The following PSD3 variants were observed in gnomAD, a reference collection of about 807,000 sequenced individuals.
PSD3 encodes PH and SEC7 domain-containing protein 3.
Under a neutral mutation model 105.5 loss-of-function variants are expected in PSD3, and 49 were observed. The ratio of observed to expected loss-of-function variants is 0.46; its 90% confidence interval spans 0.37 to 0.59. PSD3 has a LOEUF of 0.59. Among genes scored for constraint, PSD3 ranks in the 20% least tolerant of loss-of-function variants. The pLI is 0.00. For synonymous variants in PSD3, 557 were observed against 457.8 expected (o/e 1.22, Z -2.77); for missense variants, 1,561 against 1,263.8 (o/e 1.24, Z -3.57).
At chr8:18,665,170 C>T (rs117106314) in intron 9 of PSD3, among the ~76,000 whole-genome samples, 330 of 152,286 alleles carry the variant, frequency 2.2e-3, no homozygotes, top group Non-Finnish European at 3.5e-3. Flanking sequence ...CCATAGATAG[C>T]GATTCCTCTG....
At chr8:18,804,937 CT>C in intron 4 of PSD3, 39 bp from the exon 5 acceptor site, 1 of 1,487,284 alleles carries the variant, frequency 6.7e-7, no homozygotes, top group Non-Finnish European at 9.1e-7. Flanking sequence ...ATAGATTTTT[CT>C]TATATGGCAA....
intron 10 of PSD3, among the ~76,000 whole-genome samples, chr8:18,646,872 C>T (rs1359561000): frequency 6.6e-6 from 1 of 152,078 alleles, no homozygotes; most frequent in African/African-American, 2.4e-5. Context: ...GGCTTCTTTA[C>T]TCGGAAAAAG....
chr8:18,613,181 G>A (rs532666622), intron 11 of PSD3, among the ~76,000 whole-genome samples: 1 of 152,158 alleles, frequency 6.6e-6, no homozygotes, highest in East Asian at 1.9e-4. Context: ...CCCAACACCT[G>A]ACGAAATGCC....
At chr8:19,005,649 T>A (rs1826640632) in intron 1 of PSD3, among the ~76,000 whole-genome samples, 1 of 151,876 alleles carries the variant, frequency 6.6e-6, no homozygotes, top group Non-Finnish European at 1.5e-5. Context: ...CATGCTCAGC[T>A]AATTTTTAAA....
intron 9 of PSD3, among the ~76,000 whole-genome samples, chr8:18,735,921 T>A (rs1035291905): frequency 1.3e-5 from 2 of 152,160 alleles, no homozygotes; most frequent in African/African-American, 4.8e-5. Context: ...CAGAATTCAT[T>A]AAAAATACAA....
At chr8:18,870,177 T>G (rs952287962) in intron 3 of PSD3, among the ~76,000 whole-genome samples, 7 of 151,996 alleles carry the variant, frequency 4.6e-5, no homozygotes, top group Admixed American at 4.6e-4. Context: ...GGAAAAGGCA[T>G]TTCCTTACAC....
intron 4 of PSD3, among the ~76,000 whole-genome samples, chr8:18,830,790 C>T (rs1237302769): frequency 3.9e-5 from 6 of 152,106 alleles, no homozygotes; most frequent in Admixed American, 6.5e-5. Flanking sequence ...ATCTGCTTCC[C>T]GTTTCAGGGT....
intron 1 of PSD3, among the ~76,000 whole-genome samples, chr8:19,073,371 A>C (rs6586799): frequency 0.72 from 108,730 of 151,622 alleles, 39,660 homozygotes; most frequent in East Asian, 0.81. Flanking sequence ...GCCAAAATGG[A>C]GAAAGCCCAT....
Position 18,572,664 on chromosome 8 carries a change from T to C in PSD3, c.2648A>G (p.Glu883Gly). ...TTTGTTTATCCACCCTTGCATTTCC[T>C]CTGGGCTCCTATGAGAAATAGATAT... The part of the protein sequence containing the change: ...RVLLFQTQSP[E>G]EMQGWINKIN... Residue 883 changes from glutamate (E) to glycine (G), a missense_variant, in exon 14 of 16, where the codon GAG (glutamate) becomes GGG (glycine). Glu to Gly is a moderately conservative substitution (Grantham distance 98). Transcript: ENST00000327040. 3 of 1,613,896 alleles carry C rather than the reference T, an allele frequency of 1.9e-6. No individual in the cohort carries two copies. Among genetic ancestry groups the C allele is most frequent in the Non-Finnish European group, 2.5e-6 (3 of 1,179,818 alleles).
At chr8:18,991,288 C>T (rs1421535625) in intron 1 of PSD3, among the ~76,000 whole-genome samples, 1 of 151,782 alleles carries the variant, frequency 6.6e-6, no homozygotes, top group Non-Finnish European at 1.5e-5. Context: ...GCTACAGAGT[C>T]ATAAGGTGAT....
chr8:18,865,296 T>C (rs1429630666), intron 4 of PSD3: 1 of 76,502 alleles, frequency 1.3e-5, no homozygotes, highest in Admixed American at 1.4e-4. Context: ...ATTTTTTTTT[T>C]TTTTTTTTTT....
At chr8:18,695,488 A>G (rs960469228) in intron 9 of PSD3, among the ~76,000 whole-genome samples, 3 of 152,238 alleles carry the variant, frequency 2.0e-5, no homozygotes, top group Non-Finnish European at 4.4e-5. Flanking sequence ...AGAACTGTGG[A>G]TAACTTTGAT....
intron 12 of PSD3, among the ~76,000 whole-genome samples, chr8:18,580,045 C>T (rs1370434014): frequency 6.6e-6 from 1 of 152,116 alleles, no homozygotes; most frequent in Non-Finnish European, 1.5e-5. Context: ...TTGAAACTGG[C>T]ATTAAAAATG....
chr8:18,670,701 A>G (rs1799737526), intron 9 of PSD3, among the ~76,000 whole-genome samples: 2 of 152,346 alleles, frequency 1.3e-5, no homozygotes, highest in East Asian at 3.9e-4. Flanking sequence ...GGAGGTAAAT[A>G]CATTAAGAGA....
At chr8:18,608,687 CT>C (rs1805040334) in intron 11 of PSD3, among the ~76,000 whole-genome samples, 1 of 152,120 alleles carries the variant, frequency 6.6e-6, no homozygotes, top group African/African-American at 2.4e-5. Flanking sequence ...AGTATCACCC[CT>C]CTTTCATAAA....
chr8:18,680,336 G>A (rs887490563), intron 9 of PSD3, among the ~76,000 whole-genome samples: 4 of 152,100 alleles, frequency 2.6e-5, no homozygotes, highest in Non-Finnish European at 5.9e-5. Flanking sequence ...TCTACTTTTA[G>A]GAAATTGTTT....
At chr8:19,076,810 C>G (rs1829475682) in intron 1 of PSD3, among the ~76,000 whole-genome samples, 1 of 151,980 alleles carries the variant, frequency 6.6e-6, no homozygotes, top group Non-Finnish European at 1.5e-5. Flanking sequence ...TCACCCTTCT[C>G]ACAATTAGAG....
intron 4 of PSD3, among the ~76,000 whole-genome samples, chr8:18,864,241 T>C (rs895669460): frequency 2.0e-5 from 3 of 152,246 alleles, no homozygotes; most frequent in African/African-American, 7.2e-5. Flanking sequence ...GCTGACTGCC[T>C]GTGTTCGAGG....
intron 9 of PSD3, among the ~76,000 whole-genome samples, chr8:18,755,135 T>C (rs1444006364): frequency 1.3e-5 from 2 of 152,124 alleles, no homozygotes; most frequent in Non-Finnish European, 2.9e-5. Context: ...ACTTTAAACA[T>C]GCTCCAAACA....
Sources: gnomAD v4.1 joint callset for allele counts (sites outside exome capture counted in the v4.1 genomes callset) on GRCh38, gnomAD v4.1.1 for gene constraint, MANE v1.5 for transcripts, NCBI Gene and HGNC (gene_info 2026-07-23, HGNC 2026-07-21) for gene names.